OLA1: variants seen among roughly 807,000 people sequenced by gnomAD.
OLA1 encodes the protein Obg like ATPase 1, also known as obg-like ATPase 1.
Under a neutral mutation model 48.4 loss-of-function variants are expected in OLA1, and 14 were observed. The ratio of observed to expected loss-of-function variants is 0.29; its 90% CI spans 0.19 to 0.45. The LOEUF is 0.45. OLA1 is among the 20% of genes least tolerant of loss of function. The pLI, the probability that OLA1 is intolerant of heterozygous loss-of-function variation, is 1.00. For synonymous variants in OLA1, 127 were observed against 150.4 expected (o/e 0.84, Z 1.14); for missense variants, 325 against 467.1 (o/e 0.70, Z 2.80).
chr2:174,196,320 T>C (rs1005976116), intron 4 of OLA1, among the ~76,000 whole-genome samples: 4 of 152,266 alleles, frequency 2.6e-5, no homozygotes, highest in East Asian at 1.9e-4. Flanking sequence ...AATTGTATAA[T>C]TGAAGGATTT....
At chr2:174,203,462 C>T (rs1274965826) in intron 4 of OLA1, among the ~76,000 whole-genome samples, 1 of 116,814 alleles carries the variant, frequency 8.6e-6, no homozygotes, top group Non-Finnish European at 1.8e-5. Flanking sequence ...GTCTAGCTAA[C>T]ATCTTTTTTT....
At chr2:174,144,415 T>C (rs1287413628) in intron 4 of OLA1, among the ~76,000 whole-genome samples, 1 of 152,048 alleles carries the variant, frequency 6.6e-6, no homozygotes, top group African/African-American at 2.4e-5. Context: ...AAAAATTAAG[T>C]AATGGGAACA....
chr2:174,130,001 AC>A (rs1686141101), intron 5 of OLA1, among the ~76,000 whole-genome samples: 1 of 152,180 alleles, frequency 6.6e-6, no homozygotes, highest in Non-Finnish European at 1.5e-5. Flanking sequence ...ATGCACTCAG[AC>A]TACAAGAATT....
At chr2:174,163,193 C>CA (rs1416129976) in intron 4 of OLA1, among the ~76,000 whole-genome samples, 1 of 152,120 alleles carries the variant, frequency 6.6e-6, no homozygotes, top group Admixed American at 6.5e-5. Flanking sequence ...CATTTTAAAG[C>CA]AAACATATGT....
intron 5 of OLA1, among the ~76,000 whole-genome samples, chr2:174,127,790 A>G (rs1320117403): frequency 6.6e-6 from 1 of 152,176 alleles, no homozygotes; most frequent in Non-Finnish European, 1.5e-5. Flanking sequence ...AGGTTGAGAC[A>G]CTGACCCAAA....
At chr2:174,225,708 A>C (rs1439198763) in intron 3 of OLA1, among the ~76,000 whole-genome samples, 1 of 152,232 alleles carries the variant, frequency 6.6e-6, no homozygotes, top group Non-Finnish European at 1.5e-5. Context: ...CTAATGCAGA[A>C]GTACAGTAAG....
intron 3 of OLA1, among the ~76,000 whole-genome samples, chr2:174,225,035 C>T (rs1021970556): frequency 2.6e-5 from 4 of 152,148 alleles, no homozygotes; most frequent in African/African-American, 7.2e-5. Flanking sequence ...AAATGTGATG[C>T]GTAATGGTGG....
intron 7 of OLA1, 69 bp from the exon 8 acceptor site, chr2:174,082,133 A>G (rs1265408912): frequency 6.6e-7 from 1 of 1,508,576 alleles, no homozygotes; most frequent in East Asian, 2.3e-5. Context: ...CATTATTATC[A>G]AGTAGCACAT....
At chr2:174,119,605 C>T (rs946798353) in intron 7 of OLA1, among the ~76,000 whole-genome samples, 14 of 151,862 alleles carry the variant, frequency 9.2e-5, no homozygotes, top group South Asian at 4.1e-4. Context: ...TCCATGATTC[C>T]CCCCAAACCA....
At position 174,144,947 on chromosome 2, in the gene OLA1, A is replaced by ATATAT. The variant is rs1553483385; in HGVS notation, c.374-2948_374-2947insATATA. On this transcript the variant is annotated intron_variant, in intron 4 of 10. Coordinates refer to ENST00000284719, the MANE Select transcript of OLA1 (RefSeq NM_013341.5). ...ACCCTGTTTAAAAAAAAAAAAAAAA[A>ATATAT]AAAAATATATATATATATATATATA... Among the ~76,000 whole-genome samples, 29 of 64,776 alleles carry ATATAT rather than the reference A, an allele frequency of 4.5e-4. No homozygotes were observed. In the East Asian group the frequency reaches 6.5e-3, roughly 15 times the overall value. The allele number at this position is 64,776 out of a possible 152,430, so 42.5% of individuals were successfully genotyped here. A position where few individuals can be genotyped will look rare whatever the true frequency, so the allele number is the denominator to read the frequency against.
intron 4 of OLA1, among the ~76,000 whole-genome samples, chr2:174,218,621 T>C (rs1246529677): frequency 1.3e-5 from 2 of 152,318 alleles, no homozygotes; most frequent in African/African-American, 2.4e-5. Flanking sequence ...GAAAATAATC[T>C]TTCATTATTT....
chr2:174,080,105 T>G (rs1228063122), intron 9 of OLA1, among the ~76,000 whole-genome samples: 1 of 152,108 alleles, frequency 6.6e-6, no homozygotes, highest in East Asian at 1.9e-4. Flanking sequence ...TTTTAAAATC[T>G]ATATAAAAGG....
At chr2:174,155,042 C>G (rs1214328711) in intron 4 of OLA1, among the ~76,000 whole-genome samples, 2 of 152,130 alleles carry the variant, frequency 1.3e-5, no homozygotes, top group Admixed American at 1.3e-4. Flanking sequence ...ATCTCCATAG[C>G]AATATGCCTT....
In OLA1 at chr2:174,223,059, G is replaced by A. The variant is rs1174918130; in HGVS notation, c.347C>T (p.Ala116Val). ...LGNAFLSHISACDGIFHLTRA... is the reference protein window; with the variant it reads ...LGNAFLSHISVCDGIFHLTRA... ...TGTTAGATGAAAGATGCCATCACAGGCACTAATATGAGATAAAAAAGCATT... is the reference window on the plus strand; with the variant it reads ...TGTTAGATGAAAGATGCCATCACAGACACTAATATGAGATAAAAAAGCATT... The change falls in exon 4 of 11, where the codon GCC becomes GTC. Residue 116 changes from alanine to valine, a missense_variant. Coordinates refer to ENST00000284719, the MANE Select transcript of OLA1 (RefSeq NM_013341.5). 2.5e-6 allele frequency: 4 copies of A among 1,613,104 alleles called. No individual in the cohort carries two copies. The Middle Eastern group carries it at 5.0e-4, about 201-fold the overall frequency.
At chr2:174,095,325 G>GTTTTTTTTTTTTTTTTTT (rs1205716344) in intron 7 of OLA1, among the ~76,000 whole-genome samples, 7 of 77,956 alleles carry the variant, frequency 9.0e-5, no homozygotes, top group Admixed American at 1.5e-4. Context: ...GTTATTTCCT[G>GTTTTTTTTTTTTTTTTTT]TTTTTTTTTT....
Position 174,141,812 on chromosome 2 carries a change from A to C in OLA1, c.549+13T>G, listed in dbSNP as rs959598908. 8.2e-6 allele frequency: 13 copies of C among 1,578,436 alleles called. No homozygotes were observed. The highest frequency in any genetic ancestry group is 1.1e-5 in the Non-Finnish European group (13 of 1,167,466). On this transcript the variant is annotated intron_variant, in intron 5 of 10. Transcript: ENST00000284719. Reference sequence around the variant, plus strand: ...CTCTTGAGTATCTAAAGAAGCTGTAAATTTTTACTTACATATTCAGGTTTT... The same window carrying C: ...CTCTTGAGTATCTAAAGAAGCTGTACATTTTTACTTACATATTCAGGTTTT...
chr2:174,165,156 TG>T (rs1574521860), intron 4 of OLA1, among the ~76,000 whole-genome samples: 2 of 152,240 alleles, frequency 1.3e-5, no homozygotes, highest in Admixed American at 1.3e-4. Context: ...TAAGCCATTT[TG>T]AACTGGAATT....
At chr2:174,227,953 G>T (rs888554037) in intron 3 of OLA1, among the ~76,000 whole-genome samples, 8 of 152,218 alleles carry the variant, frequency 5.3e-5, no homozygotes, top group African/African-American at 1.9e-4. Flanking sequence ...GATAAGACTG[G>T]ATACGGGGTG....
At chr2:174,199,888 C>A (rs1687954793) in intron 4 of OLA1, among the ~76,000 whole-genome samples, 1 of 152,006 alleles carries the variant, frequency 6.6e-6, no homozygotes. Context: ...ATATCTGAGG[C>A]CAGGTTTTCT....
Sources: gnomAD v4.1 joint callset for allele counts (sites outside exome capture counted in the v4.1 genomes callset) on GRCh38, gnomAD v4.1.1 for gene constraint, MANE v1.5 for transcripts, NCBI Gene and HGNC (gene_info 2026-07-23, HGNC 2026-07-21) for gene names.